Variants in NCF2 observed in about 807,000 individuals in gnomAD.
NCF2 encodes the protein neutrophil cytosol factor 2.
In NCF2, 45 loss-of-function variants were observed where a neutral mutation model predicts 70.9. That is an observed-to-expected ratio of 0.63 (90% CI 0.50 to 0.81). The LOEUF is 0.81. NCF2 is among the 40% of genes least tolerant of loss of function. The pLI is 0.00. For missense variants in NCF2, 522 were observed against 631.6 expected (o/e 0.83, Z 1.86); for synonymous variants, 203 against 233.6 (o/e 0.87, Z 1.19).
rs137854520 is a variant in NCF2 at position 183,574,569 on chromosome 1, G to A, written c.419C>T (p.Ala140Val). 2 of 1,614,050 alleles carry A rather than the reference G, an allele frequency of 1.2e-6. No individual in the cohort carries two copies. The highest frequency in any genetic ancestry group is 1.3e-5 in the African/African-American group (1 of 74,934). Residue 140 changes from alanine to valine, a missense_variant, in exon 4 of 15, where the codon GCT (alanine) becomes GTT (valine). Coordinates refer to ENST00000367535, the MANE Select transcript of NCF2 (RefSeq NM_000433.4). Reference protein sequence around the residue: ...MYAKKEEWKKAEEQLALATSM... With the variant: ...MYAKKEEWKKVEEQLALATSM... Reference sequence around the variant, plus strand: ...CGTGGCCAATGCTAACTGTTCTTCAGCTTTTTTCCATTCCTCCTTCTTGGC... The same window carrying A: ...CGTGGCCAATGCTAACTGTTCTTCAACTTTTTTCCATTCCTCCTTCTTGGC...
At chr1:183,600,202 A>G in the NCF2 span, among the ~76,000 whole-genome samples, 1 of 152,246 alleles carries the variant, frequency 6.6e-6, no homozygotes, top group Non-Finnish European at 1.5e-5. Flanking sequence ...CTGCCCAAAC[A>G]TCGGAAGATG....
intron 8 of NCF2, 104 bp from the exon 9 acceptor site, chr1:183,567,092 G>C: frequency 6.2e-7 from 1 of 1,606,636 alleles, no homozygotes; most frequent in Non-Finnish European, 8.5e-7. Context: ...ATGACGAACA[G>C]ACAAAAGAAC....
the NCF2 span, among the ~76,000 whole-genome samples, chr1:183,596,191 C>T: frequency 1.3e-5 from 2 of 151,028 alleles, no homozygotes; most frequent in South Asian, 4.2e-4. Flanking sequence ...TGTTAAATAG[C>T]GATGCCATGG....
At chr1:183,581,286 AAAAAAAAAAAAG>A (rs1171851590) in intron 2 of NCF2, among the ~76,000 whole-genome samples, 2 of 127,636 alleles carry the variant, frequency 1.6e-5, no homozygotes, top group Non-Finnish European at 3.3e-5. Context: ...TGACTCAAAA[AAAAAAAAAAAAG>A]AAAGAAAGAA....
At chr1:183,589,652 A>G (rs1317769197) in intron 1 of NCF2, among the ~76,000 whole-genome samples, 1 of 152,224 alleles carries the variant, frequency 6.6e-6, no homozygotes, top group Non-Finnish European at 1.5e-5. Flanking sequence ...TCTTTAAAAG[A>G]GTCTCCTTTA....
intron 14 of NCF2, among the ~76,000 whole-genome samples, chr1:183,558,264 T>C (rs1671883722): frequency 6.6e-6 from 1 of 151,250 alleles, no homozygotes; most frequent in Non-Finnish European, 1.5e-5. Flanking sequence ...AATTTTTTTG[T>C]TTTTGTTTTT....
rs699242 is a variant in NCF2 at position 183,577,338 on chromosome 1, G to A, written c.366+261C>T. ...TGTCCAGCCTCCCTTCAGAGAGCCC[G>A]GGGGGCTCATTTTTGCATGGTCCTT... On this transcript the variant is annotated intron_variant, in intron 3 of 14. Coordinates refer to ENST00000367535, the MANE Select transcript of NCF2 (RefSeq NM_000433.4). Among the ~76,000 whole-genome samples, 120,327 of 152,196 alleles carry A rather than the reference G, an allele frequency of 0.79. 47,633 individuals carry two copies. The highest frequency in any genetic ancestry group is 0.82 in the Admixed American group (12,515 of 15,290).
the NCF2 span, among the ~76,000 whole-genome samples, chr1:183,601,172 T>C: frequency 2.6e-5 from 4 of 152,208 alleles, no homozygotes; most frequent in Non-Finnish European, 5.9e-5. Flanking sequence ...CATATGCAAA[T>C]GCAGACCCTC....
chr1:183,569,618 T>C (rs915124196), intron 6 of NCF2, among the ~76,000 whole-genome samples: 1 of 152,256 alleles, frequency 6.6e-6, no homozygotes, highest in Admixed American at 6.5e-5. Flanking sequence ...AGATGGAGTT[T>C]CACTCTGTCG....
chr1:183,590,267 G>T lies in NCF2; in HGVS notation c.63C>A (p.Asp21Glu), dbSNP rs1673581472. 1 of 1,614,050 alleles carries T rather than the reference G, an allele frequency of 6.2e-7. No individual in the cohort carries two copies. The highest frequency in any genetic ancestry group is 1.7e-5 in the Admixed American group (1 of 59,992). ...NEGVLAADKK[D>E]WKGALDAFSA... ...TGAAGGCATCCAGGGCTCCCTTCCA[G>T]TCCTTCTTGTCCGCTGCCAGCACCC... The change falls in exon 1 of 15, where the codon GAC becomes GAA. Residue 21 changes from aspartate to glutamate, a missense_variant. Asp to Glu is a conservative substitution (Grantham distance 45). Coordinates refer to ENST00000367535, the MANE Select transcript of NCF2 (RefSeq NM_000433.4).
chr1:183,601,518 C>A, the NCF2 span, among the ~76,000 whole-genome samples: 1 of 152,102 alleles, frequency 6.6e-6, no homozygotes, highest in African/African-American at 2.4e-5. Flanking sequence ...CACACCAAAT[C>A]CACAATTTCA....
the NCF2 span, among the ~76,000 whole-genome samples, chr1:183,600,254 G>A: frequency 4.8e-4 from 73 of 152,332 alleles, no homozygotes; most frequent in Non-Finnish European, 8.7e-4. Context: ...TCAGAAGAAG[G>A]CCTAGCCATT....
chr1:183,578,458 A>T (rs1390843814), intron 2 of NCF2, among the ~76,000 whole-genome samples: 1 of 151,894 alleles, frequency 6.6e-6, no homozygotes, highest in Non-Finnish European at 1.5e-5. Flanking sequence ...CCCAGGTTCA[A>T]GTGATTCTCC....
intron 1 of NCF2, among the ~76,000 whole-genome samples, chr1:183,589,814 A>G (rs1673555900): frequency 6.6e-6 from 1 of 152,246 alleles, no homozygotes; most frequent in African/African-American, 2.4e-5. Context: ...GCGCTGGGAT[A>G]GATAGAGATT....
At chr1:183,567,116 AAAG>A (rs1205378857) in intron 8 of NCF2, 85 bp downstream of exon 8, 3 of 1,609,628 alleles carry the variant, frequency 1.9e-6, no homozygotes, top group Non-Finnish European at 2.6e-6. Context: ...GCTGGTCTGC[AAAG>A]AAGGCAGCAG....
At chr1:183,597,151 T>G in the NCF2 span, among the ~76,000 whole-genome samples, 1 of 152,228 alleles carries the variant, frequency 6.6e-6, no homozygotes, top group African/African-American at 2.4e-5. Context: ...TTTCCCTTTT[T>G]GGATGCAGTT....
rs1420057274 is a variant in NCF2 at position 183,556,012 on chromosome 1, C to T, written c.*106G>A. ...TTTAACAGGGAATAAATAGTTAACA[C>T]TTCCAAACTGTAATGTCTCAGTACA... is the stretch of plus-strand genomic sequence containing the variant. On this transcript the variant is annotated 3_prime_UTR_variant, in exon 15 of 15. Transcript: ENST00000367535. 1 of 953,214 alleles carries T rather than the reference C, an allele frequency of 1.0e-6. No individual in the cohort carries two copies. The highest frequency in any genetic ancestry group is 1.7e-6 in the Non-Finnish European group (1 of 591,968). The allele number at this position is 953,214 out of a possible 1,614,324, so 59.0% of individuals were successfully genotyped here.
chr1:183,599,423 CTTCT>C, the NCF2 span, among the ~76,000 whole-genome samples: 2,421 of 107,426 alleles, frequency 0.023, 32 homozygotes, highest in South Asian at 0.049. Flanking sequence ...TCTTTCTTTC[CTTCT>C]TTCTTTCTTT....
At chr1:183,587,001 T>C (rs1477139940) in intron 1 of NCF2, 24 bp from the exon 2 acceptor site, 3 of 1,599,852 alleles carry the variant, frequency 1.9e-6, no homozygotes, top group Non-Finnish European at 2.6e-6. Context: ...GGTCCAGACA[T>C]GGCCATGATG....
Sources: allele counts gnomAD v4.1 joint callset (sites outside exome capture counted in the v4.1 genomes callset), GRCh38; gene constraint gnomAD v4.1.1; transcripts MANE v1.5; gene names NCBI Gene and HGNC (gene_info 2026-07-23, HGNC 2026-07-21).